The following EBF1 variants were observed in gnomAD, a reference collection of about 807,000 sequenced individuals.
The protein encoded by EBF1 is transcription factor COE1.
A neutral mutation model predicts 68.4 loss-of-function variants in EBF1; 10 were observed. That is an observed-to-expected ratio of 0.15 (90% CI 0.09 to 0.25). The LOEUF is 0.25. EBF1 is among the 10% of genes least tolerant of loss of function. The pLI, the probability that EBF1 is intolerant of heterozygous loss-of-function variation, is 1.00. For missense variants in EBF1, 509 were observed against 794.4 expected (o/e 0.64, Z 4.32); for synonymous variants, 298 against 299.8 (o/e 0.99, Z 0.06).
intron 6 of EBF1, among the ~76,000 whole-genome samples, chr5:158,919,121 G>A (rs577221375): frequency 2.8e-4 from 43 of 152,288 alleles, no homozygotes; most frequent in African/African-American, 9.1e-4. Flanking sequence ...TTGGGCCTGC[G>A]AGGATGTGCA....
intron 10 of EBF1, among the ~76,000 whole-genome samples, chr5:158,743,324 C>T (rs1410840496): frequency 1.3e-5 from 2 of 152,130 alleles, no homozygotes; most frequent in Non-Finnish European, 2.9e-5. Context: ...GGGAGTTATA[C>T]AAAAGATGTG....
intron 6 of EBF1, among the ~76,000 whole-genome samples, chr5:158,923,741 G>A (rs1292834207): frequency 3.3e-5 from 5 of 152,160 alleles, no homozygotes; most frequent in African/African-American, 1.2e-4. Flanking sequence ...TGTAAAACCA[G>A]TGCCCAGCCC....
chr5:158,850,027 G>A (rs566307056), intron 6 of EBF1, among the ~76,000 whole-genome samples: 1 of 152,152 alleles, frequency 6.6e-6, no homozygotes, highest in African/African-American at 2.4e-5. Flanking sequence ...ATTCATACAT[G>A]AGTATCAACT....
intron 6 of EBF1, among the ~76,000 whole-genome samples, chr5:159,007,787 A>C (rs1763854008): frequency 6.6e-6 from 1 of 151,812 alleles, no homozygotes; most frequent in East Asian, 1.9e-4. Context: ...TTTTTTTTTC[A>C]AAAATAGGAG....
At chr5:158,941,234 T>A (rs1389130335) in intron 6 of EBF1, 1 of 455,852 alleles carries the variant, frequency 2.2e-6, no homozygotes, top group East Asian at 6.9e-5. Flanking sequence ...GGAAGAATGA[T>A]AATGTGAGGG....
rs568588514 is a variant in EBF1, at chr5:158,972,305, G to A, written c.554+101091C>T. ...TCAGTCACCTGCCCATATTACCCACGTACTGTCTCGTATATTTAGGTACAC... is the reference window on the plus strand; with the variant it reads ...TCAGTCACCTGCCCATATTACCCACATACTGTCTCGTATATTTAGGTACAC... On this transcript the variant is annotated intron_variant, in intron 6 of 15. Transcript: ENST00000313708. Among the ~76,000 whole-genome samples the A allele has an allele frequency of 2.7e-3, 418 of 152,188 alleles. 2 individuals are homozygous for A. The highest frequency in any genetic ancestry group is 9.5e-3 in the African/African-American group (395 of 41,522).
At position 158,887,823 on chromosome 5, in the gene EBF1, T is replaced by C. The variant is rs61351271; in HGVS notation, c.555-47713A>G. On this transcript the variant is annotated intron_variant, in intron 6 of 15. Transcript: ENST00000313708. ...TGGGAGACTGGGTTATGAAAAAATA[T>C]ATTTAAAGCATTCATGTTTATGATT... 1.4e-3 allele frequency among the ~76,000 whole-genome samples: 214 copies of C among 152,324 alleles called. 1 individual carries two copies. The highest frequency in any genetic ancestry group is 4.9e-3 in the African/African-American group (204 of 41,588).
chr5:159,072,370 C>G (rs10515788), intron 6 of EBF1, among the ~76,000 whole-genome samples: 6,933 of 152,016 alleles, frequency 0.046, 429 homozygotes, highest in East Asian at 0.21. Context: ...TCATTGTTAA[C>G]TGAAAAATGA....
intron 6 of EBF1, among the ~76,000 whole-genome samples, chr5:158,962,918 A>G (rs1304034953): frequency 6.6e-6 from 1 of 152,200 alleles, no homozygotes; most frequent in Non-Finnish European, 1.5e-5. Context: ...GTGAGTTCAC[A>G]TCTAGCCCAA....
chr5:158,841,731 CTG>C (rs1329625117), intron 6 of EBF1, among the ~76,000 whole-genome samples: 1 of 152,196 alleles, frequency 6.6e-6, no homozygotes, highest in African/African-American at 2.4e-5. Context: ...GAATATGAAA[CTG>C]AGAGAAGTCC....
chr5:158,723,137 G>A (rs1041349208), intron 11 of EBF1, among the ~76,000 whole-genome samples: 1 of 152,176 alleles, frequency 6.6e-6, no homozygotes, highest in African/African-American at 2.4e-5. Context: ...ATGGTACCCA[G>A]GGTTTGTCTG....
At chr5:159,045,496 A>G (rs1772196002) in intron 6 of EBF1, among the ~76,000 whole-genome samples, 1 of 152,210 alleles carries the variant, frequency 6.6e-6, no homozygotes, top group Admixed American at 6.5e-5. Context: ...TTGCATTAAA[A>G]AAAAGATCTG....
chr5:158,981,793 G>A (rs1418299928), intron 6 of EBF1, among the ~76,000 whole-genome samples: 1 of 152,110 alleles, frequency 6.6e-6, no homozygotes, highest in Non-Finnish European at 1.5e-5. Context: ...ACTGACTGAT[G>A]TAGAACAATT....
At chr5:158,977,355 A>C (rs566978477) in intron 6 of EBF1, among the ~76,000 whole-genome samples, 1 of 152,366 alleles carries the variant, frequency 6.6e-6, no homozygotes, top group South Asian at 2.1e-4. Context: ...TTGGAAACTA[A>C]ATACTAAACT....
At chr5:159,012,739 T>C (rs761518168) in intron 6 of EBF1, among the ~76,000 whole-genome samples, 12 of 152,228 alleles carry the variant, frequency 7.9e-5, no homozygotes, top group Middle Eastern at 3.4e-3. Flanking sequence ...CCTCAGGCAA[T>C]CCTCCCAACT....
intron 6 of EBF1, among the ~76,000 whole-genome samples, chr5:159,024,526 A>C (rs1767335660): frequency 6.6e-6 from 1 of 152,206 alleles, no homozygotes; most frequent in African/African-American, 2.4e-5. Flanking sequence ...CAACGTGATC[A>C]CCTGTTTGAC....
At chr5:158,927,513 A>G (rs1809950043) in intron 6 of EBF1, among the ~76,000 whole-genome samples, 1 of 152,220 alleles carries the variant, frequency 6.6e-6, no homozygotes. Context: ...TCATTTTCCA[A>G]GTTAGCACCA....
rs553294769 is a variant in EBF1, at chr5:158,801,959, G to A, written c.779-5484C>T. ...CAAGGTGAATTTATAAGCTGGAATC[G>A]CACTTCAGCCTCCAATAGAAATGAT... On this transcript the variant is annotated intron_variant, in intron 8 of 15. Transcript: ENST00000313708. Among the ~76,000 whole-genome samples, 5 of 152,218 alleles carry A rather than the reference G, an allele frequency of 3.3e-5. No individual in the cohort carries two copies. In the East Asian group the frequency reaches 7.7e-4, roughly 24 times the overall value.
intron 8 of EBF1, among the ~76,000 whole-genome samples, chr5:158,801,893 T>G (rs891427479): frequency 3.9e-5 from 6 of 152,164 alleles, no homozygotes; most frequent in Admixed American, 3.3e-4. Context: ...ATGATTCAAG[T>G]GCCTGCACAC....
Sources: allele counts gnomAD v4.1 joint callset (sites outside exome capture counted in the v4.1 genomes callset), GRCh38; gene constraint gnomAD v4.1.1; transcripts MANE v1.5; gene names NCBI Gene and HGNC (gene_info 2026-07-23, HGNC 2026-07-21).